Variants in NAV2 observed in about 807,000 individuals in gnomAD.
The protein encoded by NAV2 is helicase, APC down-regulated 1.
In NAV2, 54 loss-of-function variants were observed where a neutral mutation model predicts 223.2. The observed-to-expected ratio is 0.24, with a 90% confidence interval of 0.19 to 0.30. The LOEUF (loss-of-function observed/expected upper bound fraction) is 0.30. Among genes scored for constraint, NAV2 ranks in the 10% least tolerant of loss-of-function variants. The pLI is 1.00. For synonymous variants in NAV2, 1,279 were observed against 1,239.3 expected, an observed-to-expected ratio of 1.03 and a Z score of -0.67; for missense variants, 2,806 against 3,147.5, an observed-to-expected ratio of 0.89 and a Z score of 2.60.
chr11:19,492,034 T>C (rs1344411071), intron 1 of NAV2, among the ~76,000 whole-genome samples: 1 of 152,084 alleles, frequency 6.6e-6, no homozygotes, highest in Admixed American at 6.6e-5. Context: ...AAAACATATA[T>C]AACATTTATT....
intron 1 of NAV2, among the ~76,000 whole-genome samples, chr11:19,488,481 G>A (rs908602701): frequency 4.6e-5 from 7 of 152,144 alleles, no homozygotes; most frequent in African/African-American, 1.7e-4. Flanking sequence ...TGTATAGATG[G>A]CAAGATAAAG....
intron 1 of NAV2, among the ~76,000 whole-genome samples, chr11:19,774,980 T>C (rs2056036803): frequency 6.6e-6 from 1 of 152,170 alleles, no homozygotes; most frequent in Non-Finnish European, 1.5e-5. Flanking sequence ...AACCTAATGA[T>C]GTTTTCCCAG....
intron 1 of NAV2, chr11:19,520,005 T>C (rs1341211217): frequency 6.6e-6 from 1 of 152,196 alleles, no homozygotes; most frequent in Non-Finnish European, 1.5e-5. Flanking sequence ...ACGGAAGCAT[T>C]TGGAGGGATA....
At chr11:19,525,561 G>T (rs1343390355) in intron 1 of NAV2, among the ~76,000 whole-genome samples, 1 of 152,194 alleles carries the variant, frequency 6.6e-6, no homozygotes, top group Non-Finnish European at 1.5e-5. Context: ...AGGGGAAGAA[G>T]GTTAGAAGGC....
In NAV2 at chr11:20,048,818, C is replaced by T; in HGVS notation, c.3993C>T (p.Thr1331=). 6.2e-7 allele frequency: 1 copy of T among 1,614,176 alleles called. No individual in the cohort carries two copies. Among genetic ancestry groups the T allele is most frequent in the Non-Finnish European group, 8.5e-7 (1 of 1,180,022 alleles). ...TGGTCATCTCCAATCCTCATGCCACCATGACTCAGCAAGGTAACCTAGACT... is the reference window on the plus strand; with the variant it reads ...TGGTCATCTCCAATCCTCATGCCACTATGACTCAGCAAGGTAACCTAGACT... ...NSVVISNPHA[T]MTQQGNLDSP... is the part of the protein sequence containing the mutation. The change falls in exon 15 of 38, where the codon ACC becomes ACT. Residue 1331 remains threonine, a synonymous_variant. Coordinates refer to ENST00000349880, the MANE Select transcript of NAV2 (RefSeq NM_145117.5).
chr11:19,452,534 C>G (rs145958475), intron 1 of NAV2, among the ~76,000 whole-genome samples: 1 of 152,128 alleles, frequency 6.6e-6, no homozygotes, highest in Non-Finnish European at 1.5e-5. Context: ...CTTGATTTAC[C>G]GTTGGGTTAC....
At chr11:19,967,148 C>T (rs4757871) in intron 10 of NAV2, among the ~76,000 whole-genome samples, 21,410 of 152,098 alleles carry the variant, frequency 0.14, 1,649 homozygotes, top group East Asian at 0.24. Flanking sequence ...GGTCATACTG[C>T]TACTAAAGGG....
chr11:19,961,302 C>G (rs1383562609), intron 10 of NAV2, among the ~76,000 whole-genome samples: 3 of 152,040 alleles, frequency 2.0e-5, no homozygotes, highest in African/African-American at 4.8e-5. Context: ...AAATACCCTT[C>G]CCAGTATTTT....
chr11:19,353,871 G>A (rs575733762), intron 1 of NAV2, among the ~76,000 whole-genome samples: 8 of 152,144 alleles, frequency 5.3e-5, no homozygotes, highest in African/African-American at 1.9e-4. Context: ...TATTATTCTT[G>A]ACTTTTTTTG....
intron 11 of NAV2, among the ~76,000 whole-genome samples, chr11:19,994,917 GC>G (rs2051718283): frequency 1.3e-5 from 2 of 152,192 alleles, no homozygotes; most frequent in South Asian, 2.1e-4. Flanking sequence ...ATTGTTAGTA[GC>G]CCAGTGACTA....
intron 1 of NAV2, among the ~76,000 whole-genome samples, chr11:19,622,338 C>T (rs2047023154): frequency 6.6e-6 from 1 of 152,146 alleles, no homozygotes; most frequent in Non-Finnish European, 1.5e-5. Context: ...GTTGATCTGT[C>T]TAATGTTGAC....
intron 1 of NAV2, among the ~76,000 whole-genome samples, chr11:19,731,712 G>A (rs377208128): frequency 9.2e-5 from 14 of 152,346 alleles, no homozygotes; most frequent in African/African-American, 2.6e-4. Context: ...GGCATGGGCC[G>A]ATCATTTAAC....
At chr11:19,850,671 A>G (rs1340257532) in intron 3 of NAV2, among the ~76,000 whole-genome samples, 1 of 152,180 alleles carries the variant, frequency 6.6e-6, no homozygotes, top group South Asian at 2.1e-4. Context: ...CAAATAGAAC[A>G]TTGTAATTAC....
At chr11:19,672,732 C>A (rs1255727017) in intron 1 of NAV2, among the ~76,000 whole-genome samples, 1 of 152,140 alleles carries the variant, frequency 6.6e-6, no homozygotes, top group Non-Finnish European at 1.5e-5. Flanking sequence ...CCCACACCAA[C>A]CAGCTCAGGC....
At chr11:19,397,420 C>CGT (rs1160759047) in intron 1 of NAV2, among the ~76,000 whole-genome samples, 19 of 32,278 alleles carry the variant, frequency 5.9e-4, no homozygotes, top group East Asian at 1.4e-3. Context: ...TGTGTGTGTG[C>CGT]GCGCATGTGT....
At chr11:19,898,438 C>A (rs1014055332) in intron 6 of NAV2, among the ~76,000 whole-genome samples, 1 of 152,126 alleles carries the variant, frequency 6.6e-6, no homozygotes, top group Non-Finnish European at 1.5e-5. Flanking sequence ...AGCTCTGTAC[C>A]CGTACACACA....
rs549936506 is a variant in NAV2, at chr11:19,674,734, A to G, written c.76-157750A>G. Among the ~76,000 whole-genome samples the G allele has an allele frequency of 6.6e-5, 10 of 152,304 alleles. No homozygotes were observed. In the East Asian group the frequency reaches 1.9e-3, roughly 29 times the overall value. Reference sequence around the variant, plus strand: ...GTTTTCCACCTCAGCCTCCACCCACAAGATACTTCCCTCCTTCAGACTTCA... The same window carrying G: ...GTTTTCCACCTCAGCCTCCACCCACGAGATACTTCCCTCCTTCAGACTTCA... On this transcript the variant is annotated intron_variant, in intron 1 of 37. Transcript: ENST00000360655.
At chr11:19,361,757 G>A (rs1853963022) in intron 1 of NAV2, among the ~76,000 whole-genome samples, 1 of 152,128 alleles carries the variant, frequency 6.6e-6, no homozygotes, top group Admixed American at 6.5e-5. Flanking sequence ...ATTTGCATTA[G>A]TAGAACATCA....
At chr11:19,622,019 T>C (rs966765878) in intron 1 of NAV2, among the ~76,000 whole-genome samples, 13 of 152,228 alleles carry the variant, frequency 8.5e-5, no homozygotes, top group African/African-American at 3.1e-4. Flanking sequence ...ATGTACCCAG[T>C]AGTCGTTCAG....
Sources: allele counts gnomAD v4.1 joint callset (sites outside exome capture counted in the v4.1 genomes callset), GRCh38; gene constraint gnomAD v4.1.1; transcripts MANE v1.5; gene names NCBI Gene and HGNC (gene_info 2026-07-23, HGNC 2026-07-21).